The following DNAH14 variants were observed in gnomAD, a reference collection of about 807,000 sequenced individuals.
The protein encoded by DNAH14 is dynein axonemal heavy chain 14, also known as axonemal beta dynein heavy chain 14.
DNAH14 carries 478 observed loss-of-function variants against 520.9 expected under a neutral mutation model. The observed-to-expected ratio is 0.92, with a 90% CI of 0.85 to 0.99. The LOEUF is 0.99. Ranked by LOEUF, DNAH14 falls within the 50% of genes least tolerant of loss-of-function variation. The pLI is 0.00. For synonymous variants in DNAH14, 1,581 were observed against 1,757.2 expected, an observed-to-expected ratio of 0.90 and a Z score of 2.51; for missense variants, 4,831 against 5,234.5, an observed-to-expected ratio of 0.92 and a Z score of 2.38.
At chr1:225,162,891 C>A (rs1238031902) in intron 35 of DNAH14, among the ~76,000 whole-genome samples, 1 of 151,958 alleles carries the variant, frequency 6.6e-6, no homozygotes, top group Non-Finnish European at 1.5e-5. Flanking sequence ...AATCCCAGCA[C>A]TTTGGGAGGC....
At chr1:225,086,893 T>A (rs958780252) in intron 21 of DNAH14, among the ~76,000 whole-genome samples, 6 of 152,104 alleles carry the variant, frequency 3.9e-5, no homozygotes, top group Non-Finnish European at 7.3e-5. Flanking sequence ...TAAAGCCCTA[T>A]GAAAATGAAT....
chr1:225,281,126 T>C (rs2093619035), intron 54 of DNAH14, among the ~76,000 whole-genome samples: 1 of 152,206 alleles, frequency 6.6e-6, no homozygotes, highest in African/African-American at 2.4e-5. Context: ...ATTTATTATC[T>C]TACAGTTTTG....
chr1:224,945,313 G>A (rs1220713777), intron 1 of DNAH14, among the ~76,000 whole-genome samples: 3 of 152,212 alleles, frequency 2.0e-5, no homozygotes, highest in East Asian at 1.9e-4. Context: ...CATTCGTCAC[G>A]TAGTTATCGT....
intron 7 of DNAH14, chr1:224,969,838 G>C (rs562993653): frequency 2.1e-3 from 321 of 153,976 alleles, no homozygotes; most frequent in Non-Finnish European, 3.8e-3. Context: ...TCCTATGCCT[G>C]TCTTTACTTT....
chr1:225,378,704 A>G (rs1480178852), intron 79 of DNAH14, among the ~76,000 whole-genome samples: 1 of 151,996 alleles, frequency 6.6e-6, no homozygotes, highest in Non-Finnish European at 1.5e-5. Flanking sequence ...AAGATGGTGA[A>G]ACCCCGTCTC....
intron 1 of DNAH14, among the ~76,000 whole-genome samples, chr1:224,945,285 C>T (rs1181912784): frequency 3.9e-5 from 6 of 152,170 alleles, no homozygotes; most frequent in East Asian, 1.9e-4. Flanking sequence ...TTGATCGAAT[C>T]GGCTACTGAG....
rs1044880525 is a variant in DNAH14, at chr1:225,207,255, A to G, written c.6439+35A>G. The G allele has an allele frequency of 1.3e-5, 19 of 1,451,684 alleles. No homozygotes were observed. The African/African-American group carries it at 2.2e-4, about 17-fold the overall frequency. The allele number at this position is 1,451,684 out of a possible 1,614,324, so 89.9% of individuals were successfully genotyped here. On this transcript the variant is annotated intron_variant, in intron 41 of 85. Transcript: ENST00000682510. ...TTTCTCTAAGTCATATCAATGATAT[A>G]TCTTAGCTAGTCAATGCTAATTCAT...
chr1:225,320,464 GT>G (rs1218942304), intron 61 of DNAH14, among the ~76,000 whole-genome samples: 3 of 152,092 alleles, frequency 2.0e-5, no homozygotes, highest in African/African-American at 7.2e-5. Context: ...TTGTTTGTTT[GT>G]TTTTAAAGAT....
intron 36 of DNAH14, among the ~76,000 whole-genome samples, chr1:225,173,029 A>G (rs959159624): frequency 1.1e-4 from 17 of 152,232 alleles, no homozygotes; most frequent in African/African-American, 4.1e-4. Flanking sequence ...TATTTAATAA[A>G]TGGTGCTGGG....
chr1:225,317,260 A>G (rs2094484105), intron 60 of DNAH14, among the ~76,000 whole-genome samples: 1 of 152,112 alleles, frequency 6.6e-6, no homozygotes, highest in East Asian at 1.9e-4. Context: ...TACTTGGATA[A>G]TTAGACAAAA....
chr1:225,340,429 G>A (rs765882822), intron 68 of DNAH14, 28 bp from the exon 69 acceptor site: 9 of 1,497,604 alleles, frequency 6.0e-6, no homozygotes, highest in Non-Finnish European at 8.1e-6. Flanking sequence ...CATGTTCTTT[G>A]AATAACTGGT....
intron 17 of DNAH14, among the ~76,000 whole-genome samples, chr1:225,057,284 C>T (rs1240864529): frequency 6.6e-6 from 1 of 152,168 alleles, no homozygotes; most frequent in Admixed American, 6.5e-5. Context: ...ATTTTATTCT[C>T]CTTGCAGCAA....
intron 43 of DNAH14, among the ~76,000 whole-genome samples, chr1:225,250,952 G>A (rs1050410692): frequency 3.9e-5 from 6 of 152,078 alleles, no homozygotes; most frequent in African/African-American, 1.4e-4. Flanking sequence ...AGAAGAAAAG[G>A]AAATTTGAAC....
intron 8 of DNAH14, among the ~76,000 whole-genome samples, chr1:224,976,614 G>C (rs559076505): frequency 9.2e-5 from 14 of 151,534 alleles, no homozygotes; most frequent in South Asian, 2.1e-4. Flanking sequence ...TATCCAGAAA[G>C]TACAATGAAC....
At chr1:225,176,363 G>A (rs2083331588) in intron 36 of DNAH14, among the ~76,000 whole-genome samples, 1 of 151,970 alleles carries the variant, frequency 6.6e-6, no homozygotes, top group South Asian at 2.1e-4. Flanking sequence ...TTGTTTTGTG[G>A]CTTAATATAT....
At position 225,331,569 on chromosome 1, in the gene DNAH14, G is replaced by A; in HGVS notation, c.9856G>A (p.Asp3286Asn). 1 of 1,551,336 alleles carries A rather than the reference G, an allele frequency of 6.4e-7. No individual in the cohort carries two copies. The highest frequency in any genetic ancestry group is 8.7e-7 in the Non-Finnish European group (1 of 1,146,794). Reference sequence around the variant, plus strand: ...GTCAGTCTTACTAACTGTCCTGGAAGATGAGAAGGCATGACTTACTTTGGT... The same window carrying A: ...GTCAGTCTTACTAACTGTCCTGGAAAATGAGAAGGCATGACTTACTTTGGT... Reference protein sequence around the residue: ...CASVLLTVLEDEKTRWQETIN... With the variant: ...CASVLLTVLENEKTRWQETIN... The change falls in exon 65 of 86, where the codon GAT becomes AAT. Residue 3286 changes from aspartate (D) to asparagine (N), a missense_variant. Physicochemically the swap from Asp to Asn is conservative, Grantham distance 23 (BLOSUM62 1). Transcript: ENST00000682510.
chr1:225,168,382 A>G (rs1001791398), intron 36 of DNAH14, among the ~76,000 whole-genome samples: 1 of 152,236 alleles, frequency 6.6e-6, no homozygotes, highest in Non-Finnish European at 1.5e-5. Context: ...ACAAGGGGTC[A>G]GGGAATTCCC....
In DNAH14 at chr1:225,152,871, G is replaced by T. The variant is rs2080638866; in HGVS notation, c.5184G>T (p.Gln1728His). 1 of 1,549,814 alleles carries T rather than the reference G, an allele frequency of 6.5e-7. No individual in the cohort carries two copies. Among genetic ancestry groups the T allele is most frequent in the Non-Finnish European group, 8.7e-7 (1 of 1,146,536 alleles). Residue 1728 changes from glutamine to histidine, a missense_variant, in exon 33 of 86, where the codon CAG becomes CAT. Transcript: ENST00000682510. ...ACCTTTATGAATTAGCGCGCAAACA[G>T]CTCTCACAACAGGTAAATAGCTACT... ...LTNLYELARK[Q>H]LSQQDHYNFG...
At position 225,185,313 on chromosome 1, in the gene DNAH14, T is replaced by C; in HGVS notation, c.5558T>C (p.Val1853Ala). Residue 1853 changes from valine (V) to alanine (A), a missense_variant, in exon 37 of 86, where the codon GTG becomes GCG. By Grantham distance (64) the Val-to-Ala change is moderately conservative (BLOSUM62 0). Transcript: ENST00000682510. ...TAGGTTTGTGTTGGTGTGATGTTAG[T>C]GGGCCCAACAGGTGGAGGAAAGACA... Reference protein sequence around the residue: ...QLQVCVGVMLVGPTGGGKTTV... With the variant: ...QLQVCVGVMLAGPTGGGKTTV... 2 of 1,545,014 alleles carry C rather than the reference T, an allele frequency of 1.3e-6. No homozygotes were observed. Among genetic ancestry groups the C allele is most frequent in the Non-Finnish European group, 1.7e-6 (2 of 1,144,760 alleles).
Sources: allele counts gnomAD v4.1 joint callset (sites outside exome capture counted in the v4.1 genomes callset), GRCh38; gene constraint gnomAD v4.1.1; transcripts MANE v1.5; gene names NCBI Gene and HGNC (gene_info 2026-07-23, HGNC 2026-07-21).